TMEM131L: variants seen among roughly 807,000 people sequenced by gnomAD.
The protein encoded by TMEM131L is transmembrane 131 like, also known as transmembrane protein 131-like.
A neutral mutation model predicts 192.2 loss-of-function variants in TMEM131L; 54 were observed. That is an observed-to-expected ratio of 0.28 (90% CI 0.23 to 0.35). The LOEUF (loss-of-function observed/expected upper bound fraction) is 0.35. Ranked by LOEUF, TMEM131L falls within the 10% of genes least tolerant of loss-of-function variation. The probability of loss-of-function intolerance (pLI) is 1.00; values close to 1 mark genes in which losing one functional copy is unlikely to be tolerated. For synonymous variants in TMEM131L, 701 were observed against 704.9 expected (o/e 0.99, Z 0.09); for missense variants, 1,888 against 1,972.9 (o/e 0.96, Z 0.82).
intron 17 of TMEM131L, among the ~76,000 whole-genome samples, chr4:153,591,619 C>T (rs887253089): frequency 3.9e-5 from 6 of 152,134 alleles, no homozygotes; most frequent in African/African-American, 1.4e-4. Flanking sequence ...CGTCCAGCTC[C>T]GGTGGCGGGA....
chr4:153,466,365 C>G lies in TMEM131L; in HGVS notation c.-33C>G, dbSNP rs542485234. ...GGCGCCAGCGAGCTAGCGGCGAGCGCGGCGAGCAACGGAGAGGAGCGCGAG... is the reference window on the plus strand; with the variant it reads ...GGCGCCAGCGAGCTAGCGGCGAGCGGGGCGAGCAACGGAGAGGAGCGCGAG... On this transcript the variant is annotated 5_prime_UTR_variant, in exon 1 of 35. Coordinates refer to ENST00000409959, the MANE Select transcript of TMEM131L (RefSeq NM_001131007.2). 2.9e-5 allele frequency: 36 copies of G among 1,233,256 alleles called. No homozygotes were observed. In the South Asian group the frequency reaches 9.5e-4, roughly 33 times the overall value. The allele number at this position is 1,233,256 out of a possible 1,614,324, so 76.4% of individuals were successfully genotyped here. A position where few individuals can be genotyped will look rare whatever the true frequency, so the allele number is the denominator to read the frequency against.
rs1172559906 is a variant in TMEM131L at position 153,544,958 on chromosome 4, C to T, written c.240-5115C>T. 2.0e-5 allele frequency among the ~76,000 whole-genome samples: 3 copies of T among 152,160 alleles called. No homozygotes were observed. In the East Asian group the frequency reaches 5.8e-4, roughly 29 times the overall value. On this transcript the variant is annotated intron_variant, in intron 3 of 34. Transcript: ENST00000409959. ...TGCCTCTCACTCTGGGGAGATGAAG[C>T]TTTGTCTTTGAAATGACGTGTTTTG... is the stretch of plus-strand genomic sequence containing the variant.
At chr4:153,512,945 G>C (rs529476757) in intron 3 of TMEM131L, among the ~76,000 whole-genome samples, 64 of 152,160 alleles carry the variant, frequency 4.2e-4, no homozygotes, top group Admixed American at 5.2e-4. Flanking sequence ...TACATGTGCA[G>C]GCTATCTGCA....
intron 3 of TMEM131L, among the ~76,000 whole-genome samples, chr4:153,491,302 A>T (rs1452069151): frequency 2.0e-5 from 3 of 152,226 alleles, no homozygotes; most frequent in Admixed American, 2.0e-4. Flanking sequence ...TAAGTGCAAT[A>T]GGAAACTGGT....
intron 3 of TMEM131L, among the ~76,000 whole-genome samples, chr4:153,513,379 T>G (rs759429168): frequency 6.6e-6 from 1 of 152,186 alleles, no homozygotes; most frequent in Non-Finnish European, 1.5e-5. Context: ...TTTGAAGAGA[T>G]AGAACCAAAA....
At chr4:153,552,918 C>G (rs1195794889) in intron 4 of TMEM131L, among the ~76,000 whole-genome samples, 1 of 149,830 alleles carries the variant, frequency 6.7e-6, no homozygotes, top group Non-Finnish European at 1.5e-5. Flanking sequence ...TACTGTATCT[C>G]TTTTTTCTTG....
At chr4:153,506,422 A>G (rs1733986522) in intron 3 of TMEM131L, among the ~76,000 whole-genome samples, 1 of 152,218 alleles carries the variant, frequency 6.6e-6, no homozygotes, top group African/African-American at 2.4e-5. Context: ...GCTGTCCTTC[A>G]GGTATCAAGA....
intron 3 of TMEM131L, among the ~76,000 whole-genome samples, chr4:153,548,720 A>T (rs1024106986): frequency 6.6e-6 from 1 of 152,190 alleles, no homozygotes; most frequent in Admixed American, 6.5e-5. Flanking sequence ...AAGTGGAGGG[A>T]GGAAGAAAAG....
chr4:153,591,325 T>G, intron 17 of TMEM131L, 131 bp downstream of exon 17: 1 of 775,222 alleles, frequency 1.3e-6, no homozygotes, highest in Non-Finnish European at 1.9e-6. Context: ...AAGAACTAGA[T>G]GAGCAGTAAA....
At chr4:153,538,198 T>C (rs1233664710) in intron 3 of TMEM131L, among the ~76,000 whole-genome samples, 1 of 152,210 alleles carries the variant, frequency 6.6e-6, no homozygotes, top group Non-Finnish European at 1.5e-5. Flanking sequence ...CTTTGTTCCT[T>C]CCAGGTGGGG....
intron 3 of TMEM131L, among the ~76,000 whole-genome samples, chr4:153,481,758 G>GC (rs1731956788): frequency 6.6e-6 from 1 of 151,934 alleles, no homozygotes; most frequent in Non-Finnish European, 1.5e-5. Flanking sequence ...GTCTTGTCTC[G>GC]AACTCCTGGG....
At chr4:153,571,322 C>T (rs1490445011) in intron 7 of TMEM131L, among the ~76,000 whole-genome samples, 1 of 152,102 alleles carries the variant, frequency 6.6e-6, no homozygotes, top group Admixed American at 6.5e-5. Flanking sequence ...GTCCTAAATG[C>T]CATAAACTTC....
chr4:153,514,407 T>C (rs1370793183), intron 3 of TMEM131L, among the ~76,000 whole-genome samples: 1 of 152,198 alleles, frequency 6.6e-6, no homozygotes, highest in Non-Finnish European at 1.5e-5. Flanking sequence ...TGATGAGAAA[T>C]GAGTCAACAA....
At chr4:153,603,073 T>G (rs1731959810) in intron 23 of TMEM131L, among the ~76,000 whole-genome samples, 1 of 152,198 alleles carries the variant, frequency 6.6e-6, no homozygotes, top group African/African-American at 2.4e-5. Context: ...TTTTGAGTGA[T>G]TTCATAAAAA....
chr4:153,515,213 A>G (rs2150104162), intron 3 of TMEM131L, among the ~76,000 whole-genome samples: 1 of 152,332 alleles, frequency 6.6e-6, no homozygotes, highest in African/African-American at 2.4e-5. Flanking sequence ...TCAACTTATT[A>G]GAAAACACCA....
intron 3 of TMEM131L, among the ~76,000 whole-genome samples, chr4:153,480,671 G>T (rs994640676): frequency 2.0e-5 from 3 of 151,958 alleles, no homozygotes; most frequent in Non-Finnish European, 4.4e-5. Flanking sequence ...CTGTTCTGTT[G>T]GCTTTAAAAA....
chr4:153,537,617 C>T (rs758725466), intron 3 of TMEM131L, among the ~76,000 whole-genome samples: 18 of 152,108 alleles, frequency 1.2e-4, no homozygotes, highest in Non-Finnish European at 1.9e-4. Context: ...AACCAGAGGT[C>T]GCTCTTGTGG....
intron 26 of TMEM131L, among the ~76,000 whole-genome samples, chr4:153,619,931 T>C (rs1733270113): frequency 6.6e-6 from 1 of 152,200 alleles, no homozygotes; most frequent in Non-Finnish European, 1.5e-5. Context: ...CCTAACACAC[T>C]GAAGAGTTGT....
chr4:153,615,734 A>G (rs1732930043), intron 26 of TMEM131L, among the ~76,000 whole-genome samples: 1 of 152,164 alleles, frequency 6.6e-6, no homozygotes, highest in South Asian at 2.1e-4. Flanking sequence ...TCCAGCAGAT[A>G]CATAGCGTTG....
Sources: allele counts gnomAD v4.1 joint callset (sites outside exome capture counted in the v4.1 genomes callset), GRCh38; gene constraint gnomAD v4.1.1; transcripts MANE v1.5; gene names NCBI Gene and HGNC (gene_info 2026-07-23, HGNC 2026-07-21).